The following TOM1L2 variants were observed in gnomAD, a reference collection of about 807,000 sequenced individuals.
The protein encoded by TOM1L2 is target of myb1 like 2 membrane trafficking protein, also known as TOM1-like protein 2.
A neutral mutation model predicts 67.9 loss-of-function variants in TOM1L2; 31 were observed. The ratio of observed to expected loss-of-function variants is 0.46; its 90% CI spans 0.34 to 0.62. The LOEUF is 0.62. Ranked by LOEUF, TOM1L2 falls within the 20% of genes least tolerant of loss-of-function variation. The probability of loss-of-function intolerance (pLI) is 0.01; values close to 1 mark genes in which losing one functional copy is unlikely to be tolerated. For synonymous variants in TOM1L2, 256 were observed against 254.0 expected, an observed-to-expected ratio of 1.01 and a Z score of -0.07; for missense variants, 606 against 663.5, an observed-to-expected ratio of 0.91 and a Z score of 0.95.
chr17:17,939,078 T>C lies in TOM1L2; in HGVS notation c.53-31547A>G, dbSNP rs144010877. Among the ~76,000 whole-genome samples the C allele has an allele frequency of 2.0e-3, 304 of 152,354 alleles. 5 individuals are homozygous for C. The highest frequency in any genetic ancestry group is 2.5e-3 in the Non-Finnish European group (167 of 68,036). On this transcript the variant is annotated intron_variant, in intron 1 of 14. Coordinates refer to ENST00000379504, the MANE Select transcript of TOM1L2 (RefSeq NM_001082968.2). ...GATGAAAAGGATAAAATGAAGAACC[T>C]TGATATACAGACAGCCTCTAAGTAA...
rs879340594 is a variant in TOM1L2 at position 17,935,881 on chromosome 17, T to TTTA, written c.53-28351_53-28350insTAA. Among the ~76,000 whole-genome samples, 157 of 152,336 alleles carry TTTA rather than the reference T, an allele frequency of 1.0e-3. 1 individual carries two copies. Among genetic ancestry groups the TTTA allele is most frequent in the Admixed American group, 1.8e-3 (28 of 15,304 alleles). ...TATCAATTTAGCAAATTCTGAGGAA[T>TTTA]GACTCACACTGGTGGTGCCTGCCTT... On this transcript the variant is annotated intron_variant, in intron 1 of 14. Coordinates refer to ENST00000379504, the MANE Select transcript of TOM1L2 (RefSeq NM_001082968.2).
At chr17:17,902,460 C>T (rs2038901066) in intron 2 of TOM1L2, among the ~76,000 whole-genome samples, 2 of 152,244 alleles carry the variant, frequency 1.3e-5, no homozygotes, top group Non-Finnish European at 2.9e-5. Flanking sequence ...GTGCTTGCAT[C>T]CTGCATGTGC....
In TOM1L2 at chr17:17,966,539, G is replaced by T. The variant is rs74790591; in HGVS notation, c.52+5723C>A. Among the ~76,000 whole-genome samples the T allele has an allele frequency of 2.6e-3, 400 of 152,304 alleles. 3 individuals are homozygous for T. Among genetic ancestry groups the T allele is most frequent in the African/African-American group, 9.2e-3 (384 of 41,560 alleles). ...TTCCCACCCCAAACCTACTGAAACA[G>T]AAACTCTGAGGGTAGGATCCACTTT... is the stretch of plus-strand genomic sequence containing the variant. On this transcript the variant is annotated intron_variant, in intron 1 of 14. Transcript: ENST00000379504.
In TOM1L2 at chr17:17,862,821, G is replaced by A; in HGVS notation, c.1112C>T (p.Thr371Ile). ...ATTACATTGCTGGAGTGAACTGAGGGTGCCACTGACGCTCTCTGTCCCCAA... is the reference window on the plus strand; with the variant it reads ...ATTACATTGCTGGAGTGAACTGAGGATGCCACTGACGCTCTCTGTCCCCAA... ...LDLGTESVSG[T>I]LSSLQQCNPR... is the part of the protein sequence containing the mutation. The change falls in exon 11 of 15, where the codon ACC (threonine) becomes ATC (isoleucine). Residue 371 changes from threonine to isoleucine, a missense_variant. By Grantham distance (89) the Thr-to-Ile change is moderately conservative (BLOSUM62 -1). This residue lies in a region of TOM1L2 where 543 missense variants were observed against 554.0 expected (regional missense o/e 0.98). Coordinates refer to ENST00000379504, the MANE Select transcript of TOM1L2 (RefSeq NM_001082968.2). 6.2e-7 allele frequency: 1 copy of A among 1,614,184 alleles called. No individual in the cohort carries two copies. Among genetic ancestry groups the A allele is most frequent in the Non-Finnish European group, 8.5e-7 (1 of 1,180,026 alleles).
intron 1 of TOM1L2, among the ~76,000 whole-genome samples, chr17:17,914,201 G>C (rs909420561): frequency 6.6e-6 from 1 of 152,126 alleles, no homozygotes; most frequent in African/African-American, 2.4e-5. Flanking sequence ...AGGGGCAGGA[G>C]GCAGGCACCA....
chr17:17,859,924 G>A (rs2036461207), intron 12 of TOM1L2: 1 of 152,336 alleles, frequency 6.6e-6, no homozygotes, highest in South Asian at 2.1e-4. Context: ...ACCTGCTGGA[G>A]TCATCAGGAC....
chr17:17,939,783 G>A (rs1387332488), intron 1 of TOM1L2, among the ~76,000 whole-genome samples: 2 of 152,218 alleles, frequency 1.3e-5, no homozygotes, highest in South Asian at 4.1e-4. Context: ...TAAATGTAAT[G>A]AAAGTATAAG....
intron 5 of TOM1L2, 140 bp downstream of exon 5, chr17:17,884,494 A>G (rs1568162948): frequency 1.7e-6 from 2 of 1,170,618 alleles, no homozygotes; most frequent in Admixed American, 2.3e-5. Context: ...CCTTGTTATT[A>G]AAAAGGAATG....
At chr17:17,889,000 C>T (rs1359067421) in intron 4 of TOM1L2, among the ~76,000 whole-genome samples, 3 of 152,334 alleles carry the variant, frequency 2.0e-5, no homozygotes, top group Admixed American at 2.0e-4. Context: ...AAGCTACCAA[C>T]CAGGCTGCAC....
Position 17,847,366 on chromosome 17 carries a change from C to T in TOM1L2, c.*269G>A. On this transcript the variant is annotated 3_prime_UTR_variant, in exon 15 of 15. Transcript: ENST00000379504. ...CACTGCCTGGGGCTGGGCCACTCTG[C>T]CCGCTCTTCCTGGGAGGAAACATGG... 2.0e-6 allele frequency: 1 copy of T among 504,250 alleles called. No individual in the cohort carries two copies. The highest frequency in any genetic ancestry group is 3.5e-6 in the Non-Finnish European group (1 of 283,432). 31.2% of individuals were successfully genotyped at this position (504,250 alleles called of 1,614,324 possible).
chr17:17,915,243 T>C (rs1260322671), intron 1 of TOM1L2, among the ~76,000 whole-genome samples: 20 of 152,188 alleles, frequency 1.3e-4, no homozygotes, highest in Non-Finnish European at 2.9e-5. Flanking sequence ...TCCTCCAAGA[T>C]ATTAACTTCA....
rs562307670 is a variant in TOM1L2, at chr17:17,918,878, T to G, written c.53-11347A>C. On this transcript the variant is annotated intron_variant, in intron 1 of 14. Transcript: ENST00000379504. ...GCTGCTTGGAGGCAGGACATCTTCA[T>G]GTCAAGAAGGCCTGGCTTTATGCTG... 3.3e-5 allele frequency among the ~76,000 whole-genome samples: 5 copies of G among 152,344 alleles called. No individual in the cohort carries two copies. The South Asian group carries it at 1.0e-3, about 32-fold the overall frequency.
chr17:17,851,376 G>C (rs545498254), intron 12 of TOM1L2: 48 of 279,350 alleles, frequency 1.7e-4, no homozygotes, highest in African/African-American at 9.6e-4. Flanking sequence ...CCAACCCAGG[G>C]AAGGCCAAGT....
At chr17:17,857,847 C>A in intron 12 of TOM1L2, 3 of 1,535,594 alleles carry the variant, frequency 2.0e-6, no homozygotes, top group Non-Finnish European at 2.6e-6. Context: ...GGGCCGAGGA[C>A]AGAAAAGTCT....
At chr17:17,911,945 A>G (rs1329792979) in intron 1 of TOM1L2, among the ~76,000 whole-genome samples, 1 of 142,558 alleles carries the variant, frequency 7.0e-6, no homozygotes, top group Admixed American at 7.1e-5. Flanking sequence ...GACACAGCAC[A>G]TGTTTCAGAG....
At position 17,869,430 on chromosome 17, in the gene TOM1L2, T is replaced by A. The variant is rs1206594445; in HGVS notation, c.821A>T (p.Glu274Val). 6.2e-7 allele frequency: 1 copy of A among 1,613,232 alleles called. No individual in the cohort carries two copies. The highest frequency in any genetic ancestry group is 2.2e-5 in the East Asian group (1 of 44,892). The change falls in exon 8 of 15, where the codon GAG (glutamate) becomes GTG (valine). Residue 274 changes from glutamate to valine, a missense_variant. By Grantham distance (121) the Glu-to-Val change is moderately radical. Around this residue, in one of 2 missense-constraint regions of TOM1L2, gnomAD observed 543 missense variants for 554.0 expected, o/e 0.98. Transcript: ENST00000379504. ...TCRAMQQRIV[E>V]LISRVSNEEV... The stretch of plus-strand genomic sequence containing the variant: ...CTCATTGGACACGCGGGAGATGAGC[T>A]CCACGATGCGCTGCTGCATGGCCCG...
Position 17,850,504 on chromosome 17 carries a change from CAAAACAAAACAAAA to C in TOM1L2, c.1338+375_1338+388del, listed in dbSNP as rs2035901951. Among the ~76,000 whole-genome samples, 4 of 151,136 alleles carry C rather than the reference CAAAACAAAACAAAA, an allele frequency of 2.6e-5. No individual in the cohort carries two copies. The South Asian group carries it at 8.3e-4, about 32-fold the overall frequency. On this transcript the variant is annotated intron_variant, in intron 13 of 14. Transcript: ENST00000379504. Reference sequence around the variant, plus strand: ...AAAAAAAAAAGAAATGAAAACAAAACAAAACAAAACAAAAAACATGCTCCCCCAACACTCCCTCC... The same window carrying C: ...AAAAAAAAAAGAAATGAAAACAAAACAACATGCTCCCCCAACACTCCCTCC...
chr17:17,940,077 C>T (rs551759017), intron 1 of TOM1L2, among the ~76,000 whole-genome samples: 1 of 151,574 alleles, frequency 6.6e-6, no homozygotes, highest in Non-Finnish European at 1.5e-5. Context: ...CCTGTAATCC[C>T]AGCTGCCTGA....
intron 12 of TOM1L2, among the ~76,000 whole-genome samples, chr17:17,860,781 C>A (rs1329258337): frequency 6.6e-6 from 1 of 152,236 alleles, no homozygotes; most frequent in Non-Finnish European, 1.5e-5. Flanking sequence ...GACACACATT[C>A]TTTCCCCTTC....
Sources: allele counts gnomAD v4.1 joint callset (sites outside exome capture counted in the v4.1 genomes callset), GRCh38; gene constraint gnomAD v4.1.1; regional missense constraint gnomAD v4.1.1; transcripts MANE v1.5; gene names NCBI Gene and HGNC (gene_info 2026-07-23, HGNC 2026-07-21).